The following PVRIG variants were observed in gnomAD, a reference collection of about 807,000 sequenced individuals.
PVRIG encodes transmembrane protein PVRIG.
In PVRIG, 16 loss-of-function variants were observed where a neutral mutation model predicts 21.9. That is an observed-to-expected ratio of 0.73 (90% CI 0.50 to 1.11). The LOEUF (loss-of-function observed/expected upper bound fraction) is 1.11, where lower values mean the gene tolerates loss of function less well. PVRIG is among the 50% of genes most tolerant of loss of function. The pLI is 0.00. For missense variants in PVRIG, 435 were observed against 445.7 expected (o/e 0.98, Z 0.22); for synonymous variants, 190 against 181.0 (o/e 1.05, Z -0.40).
exon 5 of PVRIG, chr7:100,220,781 G>A (rs768595596): frequency 2.2e-5 from 35 of 1,605,826 alleles, no homozygotes; most frequent in South Asian, 5.5e-5. Context: ...GGCTCCAGCC[G>A]TCCCGCACCA....
At chr7:100,221,024 G>T (rs1803210167) in exon 6 of PVRIG, 1 of 1,612,218 alleles carries the variant, frequency 6.2e-7, no homozygotes, top group South Asian at 1.1e-5. Flanking sequence ...TCACCCCCAT[G>T]GGGGGCCGTC....
exon 6 of PVRIG, chr7:100,221,325 G>C: frequency 7.9e-7 from 1 of 1,264,458 alleles, no homozygotes; most frequent in East Asian, 2.5e-5. Flanking sequence ...TAATTCTTGG[G>C]CCTCCAATAA....
Position 100,220,043 on chromosome 7 carries a change from C to G in PVRIG, c.118+15C>G. 6.2e-7 allele frequency: 1 copy of G among 1,604,474 alleles called. No individual in the cohort carries two copies. Among genetic ancestry groups the G allele is most frequent in the East Asian group, 2.2e-5 (1 of 44,592 alleles). ...TGTCACTGCGGGTGAGTGCCGGCAC[C>G]AGAGAGGGGCAGGGGCTGCAGGGAG... On this transcript the variant is annotated intron_variant, in intron 2 of 5. Coordinates refer to ENST00000317271, the Ensembl canonical transcript of PVRIG.
exon 3 of PVRIG, chr7:100,220,443 C>T (rs1216596606): frequency 6.8e-6 from 11 of 1,609,186 alleles, no homozygotes; most frequent in Non-Finnish European, 9.3e-6. Context: ...CTGTGGGAGC[C>T]TCCCGCCCAG....
At chr7:100,220,279 G>T (rs779814099) in exon 3 of PVRIG, 2 of 1,562,664 alleles carry the variant, frequency 1.3e-6, no homozygotes, top group Non-Finnish European at 1.7e-6. Context: ...CACCCAGAAC[G>T]TGGCATCCGG....
At chr7:100,221,387 G>T in exon 6 of PVRIG, 3 of 650,064 alleles carry the variant, frequency 4.6e-6, no homozygotes, top group Non-Finnish European at 7.6e-6. Context: ...TGGTCTCTGT[G>T]TGTGCGTGTG....
At chr7:100,220,227 G>C (rs771743740) in exon 3 of PVRIG, 4 of 1,590,016 alleles carry the variant, frequency 2.5e-6, no homozygotes. Context: ...TGTGAGCTGG[G>C]GGGGCCCCAA....
chr7:100,219,724 G>A, exon 2 of PVRIG: 1 of 638,842 alleles, frequency 1.6e-6, no homozygotes, highest in Non-Finnish European at 2.9e-6. Flanking sequence ...CCTAGCCAGG[G>A]CTGGGTTCTC....
rs1361608290 is a variant in PVRIG at position 100,221,393 on chromosome 7, G to A, written c.*142G>A. 3.4e-5 allele frequency: 21 copies of A among 624,834 alleles called. 1 individual carries two copies. The highest frequency in any genetic ancestry group is 1.4e-4 in the East Asian group (5 of 35,032). The allele number at this position is 624,834 out of a possible 1,614,324, so 38.7% of individuals were successfully genotyped here. ...CTGCGGATGTGGTCTCTGTGTGTGC[G>A]TGTGTGGGCACAGGTGTGAGTGTGT... is the stretch of plus-strand genomic sequence containing the variant. On this transcript the variant is annotated 3_prime_UTR_variant, in exon 6 of 6. Transcript: ENST00000317271.
exon 6 of PVRIG, chr7:100,221,057 C>A: frequency 6.2e-7 from 1 of 1,613,816 alleles, no homozygotes; most frequent in South Asian, 1.1e-5. Context: ...ACTCCCCACC[C>A]ACGCTGCACA....
exon 3 of PVRIG, chr7:100,220,331 C>T: frequency 1.9e-6 from 3 of 1,557,398 alleles, no homozygotes; most frequent in Non-Finnish European, 2.6e-6. Flanking sequence ...AAACCCAGAG[C>T]AGCATCTCTC....
chr7:100,219,698 C>T lies in PVRIG; in HGVS notation c.-198-15C>T, dbSNP rs1266041607. The T allele has an allele frequency of 1.3e-5, 8 of 609,890 alleles. No homozygotes were observed. The East Asian group carries it at 2.3e-4, about 17-fold the overall frequency. 37.8% of individuals were successfully genotyped at this position (609,890 alleles called of 1,614,324 possible). On this transcript the variant is annotated splice_polypyrimidine_tract_variant and intron_variant, in intron 1 of 5. Transcript: ENST00000317271. Reference sequence around the variant, plus strand: ...GCCCCTGACAGCTTCTCTGCCCCTCCCCTGGCCTCCCCAGGCCTAGCCAGG... The same window carrying T: ...GCCCCTGACAGCTTCTCTGCCCCTCTCCTGGCCTCCCCAGGCCTAGCCAGG...
At position 100,220,741 on chromosome 7, in the gene PVRIG, C is replaced by G; in HGVS notation, c.597-19C>G. 6.2e-7 allele frequency: 1 copy of G among 1,606,732 alleles called. No individual in the cohort carries two copies. Among genetic ancestry groups the G allele is most frequent in the Non-Finnish European group, 8.5e-7 (1 of 1,179,940 alleles). ...GCCACATGCCCTGCAGAGCTCTGAC[C>G]ATCCTTGCTCTCTCCCAGCCCTGCC... On this transcript the variant is annotated intron_variant, in intron 4 of 5. Coordinates refer to ENST00000317271, the Ensembl canonical transcript of PVRIG.
chr7:100,220,976 A>G (rs548267505), exon 6 of PVRIG: 2 of 1,596,786 alleles, frequency 1.3e-6, no homozygotes, highest in South Asian at 1.1e-5. Context: ...TTATGCCACT[A>G]TCAACACCAG....
chr7:100,220,040 C>T lies in PVRIG; in HGVS notation c.118+12C>T. The stretch of plus-strand genomic sequence containing the variant: ...GTGTGTCACTGCGGGTGAGTGCCGG[C>T]ACCAGAGAGGGGCAGGGGCTGCAGG... On this transcript the variant is annotated intron_variant, in intron 2 of 5. Coordinates refer to ENST00000317271, the Ensembl canonical transcript of PVRIG. 1 of 1,604,714 alleles carries T rather than the reference C, an allele frequency of 6.2e-7. No homozygotes were observed. Among genetic ancestry groups the T allele is most frequent in the Non-Finnish European group, 8.5e-7 (1 of 1,176,166 alleles).
exon 6 of PVRIG, chr7:100,221,176 C>G: frequency 2.5e-6 from 4 of 1,612,006 alleles, no homozygotes; most frequent in Non-Finnish European, 3.4e-6. Flanking sequence ...GGCCTCCTCA[C>G]ACTGGTCCCG....
chr7:100,219,427 T>C (rs1803054474), intron 1 of PVRIG: 2 of 207,450 alleles, frequency 9.6e-6, no homozygotes, highest in Non-Finnish European at 2.0e-5. Context: ...TCAGGAGGTA[T>C]GAGTGGGTAG....
intron 3 of PVRIG, 41 bp from the exon 3 acceptor site, chr7:100,220,506 C>A (rs758387617): frequency 6.2e-7 from 1 of 1,611,384 alleles, no homozygotes. Context: ...GGGAGGGGCT[C>A]GGGAACTGGC....
exon 3 of PVRIG, chr7:100,220,136 A>G (rs760820024): frequency 6.3e-7 from 1 of 1,599,488 alleles, no homozygotes; most frequent in Non-Finnish European, 8.5e-7. Flanking sequence ...TGTGGGTTCA[A>G]GTTCGGATGG....
Sources: allele counts gnomAD v4.1 joint callset, GRCh38; gene constraint gnomAD v4.1.1; transcripts MANE v1.5; gene names NCBI Gene and HGNC (gene_info 2026-07-23, HGNC 2026-07-21).